Variants in RFX2 observed in about 807,000 individuals in gnomAD.
RFX2 encodes DNA-binding protein RFX2.
In RFX2, 20 loss-of-function variants were observed where a neutral mutation model predicts 87.8. That is an observed-to-expected ratio of 0.23 (90% CI 0.16 to 0.33). The LOEUF (loss-of-function observed/expected upper bound fraction) is 0.33. Ranked by LOEUF, RFX2 falls within the 10% of genes least tolerant of loss-of-function variation. The pLI is 1.00. For synonymous variants in RFX2, 397 were observed against 431.3 expected (o/e 0.92, Z 0.98); for missense variants, 767 against 1,012.3 (o/e 0.76, Z 3.29).
intron 1 of RFX2, among the ~76,000 whole-genome samples, chr19:6,071,104 A>G (rs370737799): frequency 6.6e-6 from 1 of 152,238 alleles, no homozygotes; most frequent in Non-Finnish European, 1.5e-5. Context: ...ATTAGAAATG[A>G]GTTTTAATAT....
rs2086368371 is a variant in RFX2 at position 5,993,919 on chromosome 19, G to A, written c.*916C>T. On this transcript the variant is annotated 3_prime_UTR_variant, in exon 18 of 18. Coordinates refer to ENST00000303657, the MANE Select transcript of RFX2 (RefSeq NM_000635.4). ...AGGCACTGCTGTTTGGACGACACGCGGGATGGCTGCTTTCTGAAGTTGTGG... is the reference window on the plus strand; with the variant it reads ...AGGCACTGCTGTTTGGACGACACGCAGGATGGCTGCTTTCTGAAGTTGTGG... The A allele has an allele frequency of 6.6e-6, 1 of 152,258 alleles. No homozygotes were observed. Among genetic ancestry groups the A allele is most frequent in the African/African-American group, 2.4e-5 (1 of 41,442 alleles). 9.4% of individuals were successfully genotyped at this position (152,258 alleles called of 1,614,324 possible).
chr19:6,093,786 C>T (rs1011534768), intron 1 of RFX2, among the ~76,000 whole-genome samples: 2 of 151,788 alleles, frequency 1.3e-5, no homozygotes, highest in African/African-American at 4.8e-5. Flanking sequence ...AGCACCAACA[C>T]GTGGTACAAG....
intron 1 of RFX2, among the ~76,000 whole-genome samples, chr19:6,057,689 C>T (rs1599889524): frequency 6.6e-6 from 1 of 152,158 alleles, no homozygotes; most frequent in Non-Finnish European, 1.5e-5. Context: ...CAGATGGTAC[C>T]AGAGTTCATC....
chr19:6,015,076 T>G (rs2086707158), intron 7 of RFX2, among the ~76,000 whole-genome samples: 1 of 152,140 alleles, frequency 6.6e-6, no homozygotes, highest in African/African-American at 2.4e-5. Flanking sequence ...TGGCCTGTGA[T>G]GTCCCGGGGC....
At chr19:6,065,232 T>G (rs2087492366) in intron 1 of RFX2, among the ~76,000 whole-genome samples, 1 of 152,226 alleles carries the variant, frequency 6.6e-6, no homozygotes, top group South Asian at 2.1e-4. Flanking sequence ...TAATGTATTT[T>G]AATCTTTGGG....
At chr19:6,005,586 G>A (rs1599843210) in intron 12 of RFX2, among the ~76,000 whole-genome samples, 2 of 152,194 alleles carry the variant, frequency 1.3e-5, no homozygotes, top group South Asian at 2.1e-4. Context: ...GATCTCTGCC[G>A]TGGGCCTAGC....
At chr19:6,028,069 G>GT (rs1405002928) in intron 5 of RFX2, among the ~76,000 whole-genome samples, 2 of 151,954 alleles carry the variant, frequency 1.3e-5, no homozygotes, top group African/African-American at 4.8e-5. Context: ...GCCTGCTTTT[G>GT]TTTTTAAAAG....
rs1169648256 is a variant in RFX2 at position 6,101,852 on chromosome 19, A to G, written c.-9+8541T>C. 6.6e-6 allele frequency among the ~76,000 whole-genome samples: 1 copy of G among 152,180 alleles called. No homozygotes were observed. Among genetic ancestry groups the G allele is most frequent in the African/African-American group, 2.4e-5 (1 of 41,454 alleles). ...AGTCCCTTTGAGATCTCTGCTTAGC[A>G]TGGTTCACAATAGCTGTAAGGTGGA... On this transcript the variant is annotated intron_variant, in intron 1 of 17. Transcript: ENST00000303657. The surrounding 1 kb of genome is among the most constrained non-coding windows in gnomAD (Gnocchi z 4.9).
intron 1 of RFX2, among the ~76,000 whole-genome samples, chr19:6,070,631 A>C (rs1411076010): frequency 6.6e-6 from 1 of 152,076 alleles, no homozygotes; most frequent in African/African-American, 2.4e-5. Context: ...CCCCCACCCC[A>C]TGGTCCCACC....
intron 1 of RFX2, among the ~76,000 whole-genome samples, chr19:6,109,025 T>C (rs1267633882): frequency 2.0e-5 from 3 of 151,612 alleles, no homozygotes; most frequent in Non-Finnish European, 4.4e-5. Context: ...TGTGTGTGTG[T>C]GAGTGTGTGT....
rs2087217163 is a variant in RFX2, at chr19:6,047,832, G to A, written c.-8-328C>T. Among the ~76,000 whole-genome samples, 1 of 152,184 alleles carries A rather than the reference G, an allele frequency of 6.6e-6. No individual in the cohort carries two copies. The highest frequency in any genetic ancestry group is 1.5e-5 in the Non-Finnish European group (1 of 68,028). Reference sequence around the variant, plus strand: ...TGAGCAGGTTGAACTATTTTGAAGGGCTCAATTGTTTCCTCATTTACCCAG... The same window carrying A: ...TGAGCAGGTTGAACTATTTTGAAGGACTCAATTGTTTCCTCATTTACCCAG... On this transcript the variant is annotated intron_variant, in intron 1 of 17. Transcript: ENST00000303657. This position sits in a 1 kb window ranked among gnomAD's most constrained non-coding sequence, Gnocchi z 4.2.
Position 6,010,587 on chromosome 19 carries a change from C to G in RFX2, c.900-336G>C, listed in dbSNP as rs754272566. Among the ~76,000 whole-genome samples, 45 of 152,298 alleles carry G rather than the reference C, an allele frequency of 3.0e-4. No homozygotes were observed. Among genetic ancestry groups the G allele is most frequent in the Non-Finnish European group, 6.3e-4 (43 of 68,032 alleles). On this transcript the variant is annotated intron_variant, in intron 8 of 17. Transcript: ENST00000303657. The surrounding 1 kb of genome is among the most constrained non-coding windows in gnomAD (Gnocchi z 5.0). Reference sequence around the variant, plus strand: ...GATCTGACTTCCCGTCTCTGTGAATCTGACGACTCTAGGGACCTCCTAGGA... The same window carrying G: ...GATCTGACTTCCCGTCTCTGTGAATGTGACGACTCTAGGGACCTCCTAGGA...
chr19:6,072,200 C>T (rs1266883645), intron 1 of RFX2: 1 of 152,236 alleles, frequency 6.6e-6, no homozygotes, highest in Non-Finnish European at 1.5e-5. Context: ...GAACTCAAAT[C>T]ACCCTCTTCC....
intron 1 of RFX2, among the ~76,000 whole-genome samples, chr19:6,109,992 G>A (rs2088280454): frequency 6.6e-6 from 1 of 151,166 alleles, no homozygotes; most frequent in Non-Finnish European, 1.5e-5. Flanking sequence ...GAGATCTAGG[G>A]GGTTAAGGTG....
chr19:6,074,869 G>A lies in RFX2; in HGVS notation c.-8-27365C>T, dbSNP rs564689041. On this transcript the variant is annotated intron_variant, in intron 1 of 17. Transcript: ENST00000303657. This position sits in a 1 kb window ranked among gnomAD's most constrained non-coding sequence, Gnocchi z 5.2. ...TCACGTGAGGAGGCCACCAGAGGGA[G>A]CTGGGGGAATGCTGGGGGTTGAATG... is the stretch of plus-strand genomic sequence containing the variant. 6.6e-6 allele frequency among the ~76,000 whole-genome samples: 1 copy of A among 152,312 alleles called. No individual in the cohort carries two copies. The highest frequency in any genetic ancestry group is 1.9e-4 in the East Asian group (1 of 5,160).
intron 1 of RFX2, among the ~76,000 whole-genome samples, chr19:6,104,657 CTA>C (rs2088183409): frequency 6.6e-6 from 1 of 152,124 alleles, no homozygotes; most frequent in Non-Finnish European, 1.5e-5. Flanking sequence ...TCCTCCTGCC[CTA>C]GCCTCCCAGG....
chr19:6,109,170 GA>G (rs769058037), intron 1 of RFX2, among the ~76,000 whole-genome samples: 112 of 137,246 alleles, frequency 8.2e-4, no homozygotes, highest in East Asian at 1.0e-3. Flanking sequence ...TAAATAAATT[GA>G]AAAAAAAAAA....
At position 6,070,865 on chromosome 19, in the gene RFX2, G is replaced by A. The variant is rs139660474; in HGVS notation, c.-8-23361C>T. Among the ~76,000 whole-genome samples, 3 of 152,226 alleles carry A rather than the reference G, an allele frequency of 2.0e-5. No homozygotes were observed. The East Asian group carries it at 5.8e-4, about 29-fold the overall frequency. ...TAGGACTACAGGTGCACACCACCAC[G>A]CCTGGCTACTTAAAACAAACAAACA... On this transcript the variant is annotated intron_variant, in intron 1 of 17. Transcript: ENST00000303657.
At position 6,012,819 on chromosome 19, in the gene RFX2, G is replaced by A. The variant is rs961409362; in HGVS notation, c.899+167C>T. Among the ~76,000 whole-genome samples, 1 of 152,220 alleles carries A rather than the reference G, an allele frequency of 6.6e-6. No homozygotes were observed. The highest frequency in any genetic ancestry group is 2.4e-5 in the African/African-American group (1 of 41,460). On this transcript the variant is annotated intron_variant, in intron 8 of 17. Transcript: ENST00000303657. This position sits in a 1 kb window ranked among gnomAD's most constrained non-coding sequence, Gnocchi z 4.6. The stretch of plus-strand genomic sequence containing the variant: ...GGAGGAGGTTGCATCCCAGCCTCCT[G>A]TGTCTCCTGCTAGACTCACCTCAGT...
Sources: gnomAD v4.1 joint callset for allele counts (sites outside exome capture counted in the v4.1 genomes callset) on GRCh38, gnomAD v4.1.1 for gene constraint, Gnocchi (gnomAD v3.1) non-coding constraint, MANE v1.5 for transcripts, NCBI Gene and HGNC (gene_info 2026-07-23, HGNC 2026-07-21) for gene names.